PDE1C: variants seen among roughly 807,000 people sequenced by gnomAD.
PDE1C encodes the protein phosphodiesterase 1C, also known as dual specificity calcium/calmodulin-dependent 3',5'-cyclic nucleotide phosphodiesterase 1C.
PDE1C carries 62 observed loss-of-function variants against 93.1 expected under a neutral mutation model. The ratio of observed to expected loss-of-function variants is 0.67; its 90% CI spans 0.54 to 0.82. The LOEUF (loss-of-function observed/expected upper bound fraction) is 0.82, where lower values mean the gene tolerates loss of function less well. Ranked by LOEUF, PDE1C falls within the 40% of genes least tolerant of loss-of-function variation. PDE1C has a pLI of 0.00. For missense variants in PDE1C, 742 were observed against 884.6 expected (o/e 0.84, Z 2.04); for synonymous variants, 325 against 310.1 (o/e 1.05, Z -0.50).
At chr7:32,286,801 G>A (rs1456368217) in intron 1 of PDE1C, among the ~76,000 whole-genome samples, 3 of 152,294 alleles carry the variant, frequency 2.0e-5, no homozygotes, top group Non-Finnish European at 4.4e-5. Flanking sequence ...ATTAACAGAG[G>A]TCATCTCTGG....
chr7:31,805,743 A>G (rs959406750), intron 16 of PDE1C, among the ~76,000 whole-genome samples: 1 of 151,638 alleles, frequency 6.6e-6, no homozygotes, highest in Non-Finnish European at 1.5e-5. Context: ...AACTAAAGCC[A>G]TCTTGGTCTT....
chr7:32,048,717 C>T (rs1228003764), intron 2 of PDE1C, among the ~76,000 whole-genome samples: 2 of 152,142 alleles, frequency 1.3e-5, no homozygotes, highest in Non-Finnish European at 2.9e-5. Context: ...TTTTAAGCCA[C>T]TAAGTTGAGG....
chr7:32,026,559 C>T (rs1789465000), intron 2 of PDE1C, among the ~76,000 whole-genome samples: 1 of 152,174 alleles, frequency 6.6e-6, no homozygotes, highest in Middle Eastern at 3.2e-3. Context: ...AATAGGAACT[C>T]TCCCTCATTG....
chr7:32,061,602 C>A (rs1456361440), intron 1 of PDE1C, among the ~76,000 whole-genome samples: 1 of 152,250 alleles, frequency 6.6e-6, no homozygotes, highest in East Asian at 1.9e-4. Context: ...TGGCATGTGC[C>A]CTCTACCTCC....
intron 2 of PDE1C, among the ~76,000 whole-genome samples, chr7:31,988,575 T>G (rs1783711582): frequency 6.6e-6 from 1 of 152,198 alleles, no homozygotes; most frequent in Non-Finnish European, 1.5e-5. Flanking sequence ...TGGACCTTAC[T>G]GCCTGGTGTA....
the PDE1C span, among the ~76,000 whole-genome samples, chr7:31,731,239 A>G: frequency 6.6e-6 from 1 of 152,132 alleles, no homozygotes; most frequent in Admixed American, 6.5e-5. Flanking sequence ...CACCAAGCTC[A>G]CAGGAACCCG....
At chr7:32,273,908 T>C (rs1811126979) in intron 1 of PDE1C, among the ~76,000 whole-genome samples, 2 of 152,206 alleles carry the variant, frequency 1.3e-5, no homozygotes, top group South Asian at 4.1e-4. Context: ...CTGAGAACAA[T>C]GCAGTTAGAA....
intron 3 of PDE1C, among the ~76,000 whole-genome samples, chr7:32,095,315 G>A (rs1004938390): frequency 6.6e-6 from 1 of 152,178 alleles, no homozygotes; most frequent in African/African-American, 2.4e-5. Flanking sequence ...GAAAAACAGT[G>A]TGAAGTCAGA....
chr7:31,944,012 C>T (rs1211284839), intron 2 of PDE1C, among the ~76,000 whole-genome samples: 4 of 152,144 alleles, frequency 2.6e-5, no homozygotes, highest in African/African-American at 2.4e-5. Context: ...TGTAGGCAAG[C>T]AGAGCTCTCC....
At chr7:31,648,673 C>T in the PDE1C span, among the ~76,000 whole-genome samples, 1 of 152,190 alleles carries the variant, frequency 6.6e-6, no homozygotes, top group Non-Finnish European at 1.5e-5. Context: ...CACTACACTT[C>T]CATGATCCTG....
chr7:32,330,222 A>G (rs1226594052), intron 1 of PDE1C, among the ~76,000 whole-genome samples: 1 of 152,236 alleles, frequency 6.6e-6, no homozygotes, highest in Non-Finnish European at 1.5e-5. Flanking sequence ...CTCCATTTGC[A>G]GTTGAGGCTC....
intron 2 of PDE1C, among the ~76,000 whole-genome samples, chr7:31,881,369 T>C (rs890135905): frequency 6.6e-6 from 1 of 152,120 alleles, no homozygotes; most frequent in African/African-American, 2.4e-5. Context: ...TAAATTGTTT[T>C]ACTGGACAGA....
At chr7:32,182,657 A>C (rs886257439) in intron 2 of PDE1C, among the ~76,000 whole-genome samples, 14 of 152,230 alleles carry the variant, frequency 9.2e-5, no homozygotes, top group Non-Finnish European at 1.8e-4. Context: ...TCTCAAAATA[A>C]TAAGAGCTGT....
chr7:31,968,564 C>T (rs1276296096), intron 2 of PDE1C, among the ~76,000 whole-genome samples: 2 of 152,076 alleles, frequency 1.3e-5, no homozygotes, highest in Non-Finnish European at 1.5e-5. Flanking sequence ...AATGCCATCC[C>T]CATCAAGCTA....
intron 2 of PDE1C, among the ~76,000 whole-genome samples, chr7:31,987,843 G>A (rs901761146): frequency 2.0e-5 from 3 of 152,132 alleles, no homozygotes; most frequent in East Asian, 1.9e-4. Context: ...TCAGTATAAG[G>A]CTGGAATTGG....
At chr7:32,212,764 G>A (rs186604916) in intron 1 of PDE1C, among the ~76,000 whole-genome samples, 2 of 152,072 alleles carry the variant, frequency 1.3e-5, no homozygotes, top group East Asian at 1.9e-4. Context: ...AAGCCTCCTC[G>A]CCTCACACCC....
At chr7:32,112,838 G>GTATATATATATATATA (rs1798736843) in intron 3 of PDE1C, among the ~76,000 whole-genome samples, 1 of 61,320 alleles carries the variant, frequency 1.6e-5, no homozygotes, top group African/African-American at 9.0e-5. Flanking sequence ...GTGTGTGTGT[G>GTATATATATATATATA]TGTGTGTGTA....
At chr7:31,624,921 T>C in the PDE1C span, among the ~76,000 whole-genome samples, 8 of 151,926 alleles carry the variant, frequency 5.3e-5, no homozygotes, top group South Asian at 2.1e-4. Flanking sequence ...CAAACAAATT[T>C]ACAAGAAAAA....
chr7:31,875,475 A>T (rs2128868988), intron 5 of PDE1C, among the ~76,000 whole-genome samples: 1 of 152,204 alleles, frequency 6.6e-6, no homozygotes, highest in South Asian at 2.1e-4. Context: ...TGGGGACTCC[A>T]GAGAATCCTG....
Sources: allele counts gnomAD v4.1 joint callset (sites outside exome capture counted in the v4.1 genomes callset), GRCh38; gene constraint gnomAD v4.1.1; transcripts MANE v1.5; gene names NCBI Gene and HGNC (gene_info 2026-07-23, HGNC 2026-07-21).